Variants in KCNH4 observed in about 807,000 individuals in gnomAD.
The protein encoded by KCNH4 is potassium voltage-gated channel subfamily H member 4, also known as voltage-gated delayed rectifier potassium channel KCNH4.
In KCNH4, 33 loss-of-function variants were observed where a neutral mutation model predicts 90.7. The observed-to-expected ratio is 0.36, with a 90% CI of 0.28 to 0.49. The LOEUF (loss-of-function observed/expected upper bound fraction) is 0.49, where lower values mean the gene tolerates loss of function less well. Ranked by LOEUF, KCNH4 falls within the 20% of genes least tolerant of loss-of-function variation. The pLI is 0.98. For synonymous variants in KCNH4, 551 were observed against 581.7 expected, an observed-to-expected ratio of 0.95 and a Z score of 0.76; for missense variants, 1,044 against 1,387.1, an observed-to-expected ratio of 0.75 and a Z score of 3.93.
At chr17:42,167,275 C>CT (rs973333326) in intron 9 of KCNH4, among the ~76,000 whole-genome samples, 23 of 151,414 alleles carry the variant, frequency 1.5e-4, no homozygotes, top group East Asian at 1.2e-3. Context: ...TTTCTTTTTT[C>CT]TTTTTTTTTG....
At chr17:42,168,450 C>A (rs1024911549) in intron 9 of KCNH4, among the ~76,000 whole-genome samples, 1 of 152,172 alleles carries the variant, frequency 6.6e-6, no homozygotes. Flanking sequence ...TCGAGACAAG[C>A]CTGACCAACA....
intron 14 of KCNH4, among the ~76,000 whole-genome samples, chr17:42,162,618 G>A (rs1361026473): frequency 6.6e-6 from 1 of 150,984 alleles, no homozygotes; most frequent in African/African-American, 2.4e-5. Flanking sequence ...TTTGAGATGG[G>A]GTCTCACTCT....
intron 10 of KCNH4, among the ~76,000 whole-genome samples, 156 bp downstream of exon 10, chr17:42,166,141 G>A (rs577455708): frequency 4.6e-5 from 7 of 152,188 alleles, no homozygotes; most frequent in South Asian, 4.1e-4. Flanking sequence ...GGCGATGGTC[G>A]TAGGGCGGAG....
At chr17:42,161,027 C>T (rs1219143873) in intron 15 of KCNH4, among the ~76,000 whole-genome samples, 11 of 145,650 alleles carry the variant, frequency 7.6e-5, no homozygotes, top group African/African-American at 1.6e-4. Flanking sequence ...CCCGGGTTCA[C>T]GAGATTCTCC....
At chr17:42,167,918 C>T (rs1435723569) in intron 9 of KCNH4, among the ~76,000 whole-genome samples, 2 of 152,200 alleles carry the variant, frequency 1.3e-5, no homozygotes, top group African/African-American at 2.4e-5. Context: ...CAGCCCATGT[C>T]GTGCCTTCCT....
At chr17:42,172,390 T>G (rs2079833140) in intron 6 of KCNH4, among the ~76,000 whole-genome samples, 1 of 151,772 alleles carries the variant, frequency 6.6e-6, no homozygotes, top group Non-Finnish European at 1.5e-5. Context: ...GCCAGGATGG[T>G]CTCGATCTCC....
At position 42,162,115 on chromosome 17, in the gene KCNH4, T is replaced by C. The variant is rs1598267419; in HGVS notation, c.2658+133A>G. On this transcript the variant is annotated intron_variant, in intron 15 of 16. Transcript: ENST00000264661. The stretch of plus-strand genomic sequence containing the variant: ...GGGACTACAGGTGCCTGGCTAATTT[T>C]TGTATTTTTTAGCAGAGATAGGGTT... The C allele has an allele frequency of 3.0e-5, 21 of 698,052 alleles. No individual in the cohort carries two copies. In the South Asian group the frequency reaches 3.8e-4, roughly 13 times the overall value. 43.2% of individuals were successfully genotyped at this position (698,052 alleles called of 1,614,324 possible). A position where few individuals can be genotyped will look rare whatever the true frequency, so the allele number is the denominator to read the frequency against.
At position 42,180,790 on chromosome 17, in the gene KCNH4, A is replaced by G; in HGVS notation, c.76+80T>C. The G allele has an allele frequency of 7.2e-7, 1 of 1,395,630 alleles. No homozygotes were observed. The highest frequency in any genetic ancestry group is 1.2e-5 in the South Asian group (1 of 85,442). The allele number at this position is 1,395,630 out of a possible 1,614,324, so 86.5% of individuals were successfully genotyped here. On this transcript the variant is annotated intron_variant, in intron 1 of 16. Coordinates refer to ENST00000264661, the MANE Select transcript of KCNH4 (RefSeq NM_012285.3). This position sits in a 1 kb window ranked among gnomAD's most constrained non-coding sequence, Gnocchi z 4.7. ...CTCTCCCCTCGCCTCGGGTCTCACC[A>G]TGTCCAGGAGATCCGAGACGGCCCC...
In KCNH4 at chr17:42,165,685, C is replaced by T; in HGVS notation, c.1849G>A (p.Asp617Asn). 2 of 1,614,150 alleles carry T rather than the reference C, an allele frequency of 1.2e-6. No individual in the cohort carries two copies. The highest frequency in any genetic ancestry group is 1.7e-6 in the Non-Finnish European group (2 of 1,180,024). ...NMVLAILGKG[D>N]LIGADIPEPG... ...TCAGGGATATCTGCTCCAATCAGGT[C>T]CCCCTTCCCTGTAGGTAAGGGATGG... The change falls in exon 11 of 17, where the codon GAC becomes AAC. Residue 617 changes from aspartate to asparagine, a missense_variant. Transcript: ENST00000264661.
intron 10 of KCNH4, 56 bp downstream of exon 10, chr17:42,166,241 T>C: frequency 6.6e-7 from 1 of 1,525,880 alleles, no homozygotes; most frequent in Admixed American, 2.0e-5. Flanking sequence ...AAGTCCTCAG[T>C]GGGGGTTGCG....
chr17:42,175,935 G>A, intron 5 of KCNH4, 119 bp downstream of exon 5: 1 of 1,314,656 alleles, frequency 7.6e-7, no homozygotes, highest in East Asian at 2.3e-5. Context: ...GGGACTTAAA[G>A]ATGCAGAAAG....
chr17:42,169,775 C>T (rs1293874726), intron 8 of KCNH4, 99 bp from the exon 9 acceptor site: 2 of 1,246,430 alleles, frequency 1.6e-6, no homozygotes, highest in East Asian at 2.4e-5. Flanking sequence ...CCAGCGGGCT[C>T]CTGTGTGCCT....
At chr17:42,168,522 T>C (rs2079803071) in intron 9 of KCNH4, among the ~76,000 whole-genome samples, 1 of 152,062 alleles carries the variant, frequency 6.6e-6, no homozygotes, top group Admixed American at 6.5e-5. Context: ...CAGGTGCCTG[T>C]GATCCCAGAT....
Position 42,180,725 on chromosome 17 carries a change from G to T in KCNH4, c.76+145C>A. 1.2e-6 allele frequency: 1 copy of T among 801,332 alleles called. No individual in the cohort carries two copies. Among genetic ancestry groups the T allele is most frequent in the Non-Finnish European group, 2.1e-6 (1 of 484,958 alleles). The allele number at this position is 801,332 out of a possible 1,614,324, so 49.6% of individuals were successfully genotyped here. A position where few individuals can be genotyped will look rare whatever the true frequency, so the allele number is the denominator to read the frequency against. On this transcript the variant is annotated intron_variant, in intron 1 of 16. Transcript: ENST00000264661. This position sits in a 1 kb window ranked among gnomAD's most constrained non-coding sequence, Gnocchi z 4.7. ...GCAGGGCACTCCCCGCCCTGTTCCTGCACCGCGGCTTTGGGAGTTCCTAGA... is the reference window on the plus strand; with the variant it reads ...GCAGGGCACTCCCCGCCCTGTTCCTTCACCGCGGCTTTGGGAGTTCCTAGA...
At position 42,163,193 on chromosome 17, in the gene KCNH4, G is replaced by T; in HGVS notation, c.2584+35C>A. On this transcript the variant is annotated intron_variant, in intron 14 of 16. Coordinates refer to ENST00000264661, the MANE Select transcript of KCNH4 (RefSeq NM_012285.3). This position sits in a 1 kb window ranked among gnomAD's most constrained non-coding sequence, Gnocchi z 5.4. ...TGGATGGACAGGTGGATGGGCAGAT[G>T]GATGACGGGGTTGAAGTCCACTGTT... 7.2e-7 allele frequency: 1 copy of T among 1,394,798 alleles called. No individual in the cohort carries two copies. 86.4% of individuals were successfully genotyped at this position (1,394,798 alleles called of 1,614,324 possible).
At chr17:42,166,708 C>G (rs1482824444) in intron 9 of KCNH4, among the ~76,000 whole-genome samples, 162 bp from the exon 10 acceptor site, 1 of 152,168 alleles carries the variant, frequency 6.6e-6, no homozygotes, top group Non-Finnish European at 1.5e-5. Context: ...CTCAATTTTG[C>G]TTGCTGCATG....
At chr17:42,161,009 C>T (rs1211639692) in intron 15 of KCNH4, among the ~76,000 whole-genome samples, 5 of 145,158 alleles carry the variant, frequency 3.4e-5, no homozygotes, top group Non-Finnish European at 7.5e-5. Flanking sequence ...TCACTGCAAG[C>T]TCCGCCTCCC....
In KCNH4 at chr17:42,163,200, G is replaced by C. The variant is rs762398071; in HGVS notation, c.2584+28C>G. 3 of 1,444,956 alleles carry C rather than the reference G, an allele frequency of 2.1e-6. No individual in the cohort carries two copies. The South Asian group carries it at 3.4e-5, about 16-fold the overall frequency. The allele number at this position is 1,444,956 out of a possible 1,614,324, so 89.5% of individuals were successfully genotyped here. On this transcript the variant is annotated intron_variant, in intron 14 of 16. Coordinates refer to ENST00000264661, the MANE Select transcript of KCNH4 (RefSeq NM_012285.3). The surrounding 1 kb of genome is among the most constrained non-coding windows in gnomAD (Gnocchi z 5.4). ...ACAGGTGGATGGGCAGATGGATGACGGGGTTGAAGTCCACTGTTGGCCCTT... is the reference window on the plus strand; with the variant it reads ...ACAGGTGGATGGGCAGATGGATGACCGGGTTGAAGTCCACTGTTGGCCCTT...
chr17:42,175,569 G>A lies in KCNH4; in HGVS notation c.987+10C>T. On this transcript the variant is annotated intron_variant, in intron 6 of 16. Coordinates refer to ENST00000264661, the MANE Select transcript of KCNH4 (RefSeq NM_012285.3). Reference sequence around the variant, plus strand: ...AGGTTGGACTGGATGGCGGGATGGAGGTCACTCACCACGGTGATGTTGAAG... The same window carrying A: ...AGGTTGGACTGGATGGCGGGATGGAAGTCACTCACCACGGTGATGTTGAAG... The A allele has an allele frequency of 6.2e-7, 1 of 1,614,150 alleles. No individual in the cohort carries two copies. The highest frequency in any genetic ancestry group is 8.5e-7 in the Non-Finnish European group (1 of 1,179,986).
Sources: allele counts gnomAD v4.1 joint callset (sites outside exome capture counted in the v4.1 genomes callset), GRCh38; gene constraint gnomAD v4.1.1; non-coding constraint Gnocchi (gnomAD v3.1); transcripts MANE v1.5; gene names NCBI Gene and HGNC (gene_info 2026-07-23, HGNC 2026-07-21).